Variants in GADL1 observed in about 807,000 individuals in gnomAD.
GADL1 encodes the protein acidic amino acid decarboxylase GADL1.
A neutral mutation model predicts 69.5 loss-of-function variants in GADL1; 71 were observed. The ratio of observed to expected loss-of-function variants is 1.02; its 90% CI spans 0.84 to 1.25. The LOEUF (loss-of-function observed/expected upper bound fraction) is 1.25, where lower values mean the gene tolerates loss of function less well. Among genes scored for constraint, GADL1 ranks in the 50% most tolerant of loss-of-function variants. The pLI is 0.00. For synonymous variants in GADL1, 254 were observed against 214.4 expected, an observed-to-expected ratio of 1.18 and a Z score of -1.62; for missense variants, 737 against 631.8, an observed-to-expected ratio of 1.17 and a Z score of -1.79.
intron 14 of GADL1, among the ~76,000 whole-genome samples, 180 bp downstream of exon 14, chr3:30,777,999 A>G (rs1696575483): frequency 6.6e-6 from 1 of 152,172 alleles, no homozygotes; most frequent in African/African-American, 2.4e-5. Context: ...CAACCATGTT[A>G]ATTTGTTAAA....
At chr3:30,779,588 C>T (rs1198009413) in intron 13 of GADL1, among the ~76,000 whole-genome samples, 1 of 152,162 alleles carries the variant, frequency 6.6e-6, no homozygotes, top group East Asian at 1.9e-4. Context: ...ACCACAATGA[C>T]TTTTGCAGCA....
rs1017924972 is a variant in GADL1 at position 30,756,140 on chromosome 3, C to A, written c.1392+22039G>T. On this transcript the variant is annotated intron_variant, in intron 14 of 14. Coordinates refer to ENST00000282538, the MANE Select transcript of GADL1 (RefSeq NM_207359.3). ...AAATGACTCGCCACTCTTCGGGGCACAGGATCTAGCTATGTCAAGCATTCA... is the reference window on the plus strand; with the variant it reads ...AAATGACTCGCCACTCTTCGGGGCAAAGGATCTAGCTATGTCAAGCATTCA... 2.0e-5 allele frequency among the ~76,000 whole-genome samples: 3 copies of A among 152,256 alleles called. No homozygotes were observed. The East Asian group carries it at 5.8e-4, about 29-fold the overall frequency.
intron 1 of GADL1, among the ~76,000 whole-genome samples, chr3:30,888,114 TTTG>T (rs1264618380): frequency 6.6e-6 from 1 of 151,998 alleles, no homozygotes; most frequent in Non-Finnish European, 1.5e-5. Flanking sequence ...TGCGTTATTT[TTTG>T]TTTTTTATTT....
intron 6 of GADL1, among the ~76,000 whole-genome samples, chr3:30,848,471 G>A (rs1198990667): frequency 1.3e-5 from 2 of 152,194 alleles, no homozygotes; most frequent in African/African-American, 2.4e-5. Context: ...GAAAATGATA[G>A]ATACAGGAAA....
chr3:30,780,555 C>T (rs981127138), intron 13 of GADL1, among the ~76,000 whole-genome samples: 2 of 152,126 alleles, frequency 1.3e-5, no homozygotes, highest in African/African-American at 4.8e-5. Flanking sequence ...CAGTTCTTGT[C>T]TTCTGAGTGG....
intron 11 of GADL1, among the ~76,000 whole-genome samples, chr3:30,817,900 A>G (rs1697501982): frequency 1.3e-5 from 2 of 152,240 alleles, no homozygotes; most frequent in African/African-American, 2.4e-5. Context: ...GTAGCCTTAC[A>G]AAAGAGAAGT....
chr3:30,777,655 G>C (rs563178689), intron 14 of GADL1, among the ~76,000 whole-genome samples: 2 of 152,058 alleles, frequency 1.3e-5, no homozygotes, highest in East Asian at 3.9e-4. Context: ...CCCAACAGCT[G>C]TGTGTGAAGA....
At chr3:30,772,073 C>A (rs1696430252) in intron 14 of GADL1, among the ~76,000 whole-genome samples, 1 of 152,134 alleles carries the variant, frequency 6.6e-6, no homozygotes, top group Admixed American at 6.5e-5. Flanking sequence ...TCTTCAAGTG[C>A]CGTTAATCAG....
intron 12 of GADL1, among the ~76,000 whole-genome samples, chr3:30,795,587 C>G (rs1205607079): frequency 1.3e-5 from 2 of 152,060 alleles, no homozygotes; most frequent in Non-Finnish European, 2.9e-5. Flanking sequence ...GAATAGACCC[C>G]AGAATTGAGA....
chr3:30,744,584 C>T (rs895226819), intron 14 of GADL1, among the ~76,000 whole-genome samples: 7 of 152,180 alleles, frequency 4.6e-5, no homozygotes, highest in South Asian at 4.2e-4. Context: ...TATGGTGGCT[C>T]ATGCCTGTAG....
intron 14 of GADL1, among the ~76,000 whole-genome samples, chr3:30,747,371 T>C (rs747999777): frequency 6.6e-6 from 1 of 152,170 alleles, no homozygotes; most frequent in Non-Finnish European, 1.5e-5. Context: ...TGCATAAATA[T>C]ATCTGTCAAA....
At chr3:30,844,528 G>T (rs1384814672) in intron 6 of GADL1, 62 bp from the exon 7 acceptor site, 3 of 1,060,040 alleles carry the variant, frequency 2.8e-6, no homozygotes, top group South Asian at 1.3e-5. Flanking sequence ...AAAAAGCATT[G>T]CTTATTATCA....
chr3:30,859,318 T>G (rs1413133351), intron 2 of GADL1, among the ~76,000 whole-genome samples: 1 of 151,718 alleles, frequency 6.6e-6, no homozygotes, highest in Non-Finnish European at 1.5e-5. Flanking sequence ...CAGAGGTAAA[T>G]TGGAAATGCC....
At chr3:30,806,412 A>T (rs909145434) in intron 11 of GADL1, among the ~76,000 whole-genome samples, 1 of 152,200 alleles carries the variant, frequency 6.6e-6, no homozygotes, top group Non-Finnish European at 1.5e-5. Context: ...GGTTGCAAAT[A>T]AAAGACTTGG....
intron 14 of GADL1, among the ~76,000 whole-genome samples, chr3:30,761,345 AAAC>A (rs1696126164): frequency 6.6e-6 from 1 of 152,212 alleles, no homozygotes; most frequent in Non-Finnish European, 1.5e-5. Flanking sequence ...TTCTAGACAC[AAAC>A]AACTAAGTTA....
intron 14 of GADL1, among the ~76,000 whole-genome samples, chr3:30,742,885 C>G (rs1435864388): frequency 6.6e-6 from 1 of 151,664 alleles, no homozygotes; most frequent in East Asian, 1.9e-4. Context: ...TTTTTATTTA[C>G]TTGTTCAGAG....
chr3:30,842,842 AAG>A (rs1553602109), intron 8 of GADL1, among the ~76,000 whole-genome samples: 16 of 151,056 alleles, frequency 1.1e-4, no homozygotes, highest in South Asian at 2.1e-4. Flanking sequence ...AAAAAAAAAA[AAG>A]TAGGACACAC....
intron 4 of GADL1, among the ~76,000 whole-genome samples, chr3:30,852,558 A>T (rs2125532929): frequency 6.6e-6 from 1 of 152,264 alleles, no homozygotes; most frequent in East Asian, 1.9e-4. Flanking sequence ...CCACGTTATG[A>T]AGCCAGTGTA....
Position 30,761,118 on chromosome 3 carries a change from A to AG in GADL1, c.1392+17060dup, listed in dbSNP as rs552266512. On this transcript the variant is annotated intron_variant, in intron 14 of 14. Coordinates refer to ENST00000282538, the MANE Select transcript of GADL1 (RefSeq NM_207359.3). ...TAGGCATTTAATGAAGGATCTCTGA[A>AG]GAGACCCTGGACGTAAATCTTTATA... 7.2e-4 allele frequency among the ~76,000 whole-genome samples: 110 copies of AG among 152,220 alleles called. 1 individual carries two copies. Among genetic ancestry groups the AG allele is most frequent in the Non-Finnish European group, 1.1e-3 (78 of 68,032 alleles).
Sources: gnomAD v4.1 joint callset for allele counts (sites outside exome capture counted in the v4.1 genomes callset) on GRCh38, gnomAD v4.1.1 for gene constraint, MANE v1.5 for transcripts, NCBI Gene and HGNC (gene_info 2026-07-23, HGNC 2026-07-21) for gene names.